MLLT10: variants seen among roughly 807,000 people sequenced by gnomAD.
MLLT10 encodes protein AF-10.
In MLLT10, 30 loss-of-function variants were observed where a neutral mutation model predicts 129.1. The ratio of observed to expected loss-of-function variants is 0.23; its 90% CI spans 0.17 to 0.32. The LOEUF (loss-of-function observed/expected upper bound fraction) is 0.32. Among genes scored for constraint, MLLT10 ranks in the 10% least tolerant of loss-of-function variants. The pLI, the probability that MLLT10 is intolerant of heterozygous loss-of-function variation, is 1.00. For missense variants in MLLT10, 1,119 were observed against 1,268.3 expected (o/e 0.88, Z 1.79); for synonymous variants, 490 against 446.4 (o/e 1.10, Z -1.23).
At chr10:21,592,136 A>G (rs75113966) in intron 4 of MLLT10, among the ~76,000 whole-genome samples, 109 of 152,164 alleles carry the variant, frequency 7.2e-4, no homozygotes, top group Non-Finnish European at 1.4e-3. Context: ...CACAAACCCT[A>G]CCAGTGTTTT....
chr10:21,709,323 C>T (rs561761870), intron 13 of MLLT10, among the ~76,000 whole-genome samples: 51 of 152,086 alleles, frequency 3.4e-4, no homozygotes, highest in African/African-American at 5.1e-4. Flanking sequence ...TTGCAACCTC[C>T]GCCTCTCAAG....
At chr10:21,630,742 C>A (rs1470119912) in intron 8 of MLLT10, among the ~76,000 whole-genome samples, 8 of 152,220 alleles carry the variant, frequency 5.3e-5, no homozygotes, top group Non-Finnish European at 1.2e-4. Context: ...CTTCTACCAG[C>A]ATCTATGAAA....
intron 11 of MLLT10, 147 bp from the exon 12 acceptor site, chr10:21,681,185 T>G (rs1049988312): frequency 4.6e-6 from 4 of 868,374 alleles, no homozygotes. Context: ...AATTATTAGC[T>G]TATAATTTTT....
intron 4 of MLLT10, among the ~76,000 whole-genome samples, chr10:21,591,992 A>AT (rs1186038697): frequency 4.6e-5 from 7 of 152,210 alleles, no homozygotes; most frequent in African/African-American, 9.6e-5. Flanking sequence ...AAGTGTTGGG[A>AT]TTACAGGCGT....
intron 13 of MLLT10, among the ~76,000 whole-genome samples, chr10:21,695,237 C>T (rs1182114209): frequency 6.6e-6 from 1 of 151,938 alleles, no homozygotes; most frequent in Non-Finnish European, 1.5e-5. Context: ...AGGCGTTTCG[C>T]CCTGTTGGCC....
In MLLT10 at chr10:21,742,204, T is replaced by C. The variant is rs771890041; in HGVS notation, c.*221T>C. On this transcript the variant is annotated 3_prime_UTR_variant, in exon 23 of 23. Coordinates refer to ENST00000307729, the MANE Select transcript of MLLT10 (RefSeq NM_001195626.3). ...CCCATGCCCCTACCCCTTACCCCAGTTTTTTGAACATGGAAAGAAAATTTA... is the reference window on the plus strand; with the variant it reads ...CCCATGCCCCTACCCCTTACCCCAGCTTTTTGAACATGGAAAGAAAATTTA... The C allele has an allele frequency of 1.3e-4, 56 of 416,970 alleles. No individual in the cohort carries two copies. The highest frequency in any genetic ancestry group is 2.2e-4 in the Non-Finnish European group (53 of 236,684). The allele number at this position is 416,970 out of a possible 1,614,324, so 25.8% of individuals were successfully genotyped here.
At chr10:21,733,204 GGTT>G (rs774468267) in intron 18 of MLLT10, 117 bp downstream of exon 18, 2 of 1,077,766 alleles carry the variant, frequency 1.9e-6, no homozygotes, top group African/African-American at 1.6e-5. Flanking sequence ...AGGAACTATA[GGTT>G]GTTTTTGAAG....
At chr10:21,697,253 G>C (rs2054470124) in intron 13 of MLLT10, among the ~76,000 whole-genome samples, 1 of 151,984 alleles carries the variant, frequency 6.6e-6, no homozygotes, top group Non-Finnish European at 1.5e-5. Flanking sequence ...CATCACCTAA[G>C]GTCAGGAGTT....
intron 9 of MLLT10, among the ~76,000 whole-genome samples, chr10:21,662,271 G>A (rs922247910): frequency 2.0e-5 from 3 of 152,090 alleles, no homozygotes; most frequent in African/African-American, 7.2e-5. Context: ...TTTATTCGAG[G>A]GGAAGTTTTT....
intron 4 of MLLT10, among the ~76,000 whole-genome samples, chr10:21,593,394 C>T (rs1237106781): frequency 6.6e-6 from 1 of 152,006 alleles, no homozygotes; most frequent in Non-Finnish European, 1.5e-5. Context: ...TGGCTGATTT[C>T]TAAATTTCCT....
intron 13 of MLLT10, among the ~76,000 whole-genome samples, chr10:21,690,060 G>T (rs909622503): frequency 6.6e-6 from 1 of 152,030 alleles, no homozygotes; most frequent in African/African-American, 2.4e-5. Context: ...GCACCAAAGA[G>T]AATTGAAACT....
Position 21,741,922 on chromosome 10 carries a change from C to A in MLLT10, c.3163-17C>A. 4 of 1,609,450 alleles carry A rather than the reference C, an allele frequency of 2.5e-6. No individual in the cohort carries two copies. Among genetic ancestry groups the A allele is most frequent in the Non-Finnish European group, 3.4e-6 (4 of 1,178,768 alleles). ...AGTTGATTTAGCTAACGCATCTGCT[C>A]TTTTGTTTACCTGCAGAGACTTAGT... On this transcript the variant is annotated splice_polypyrimidine_tract_variant and intron_variant, in intron 22 of 22. Transcript: ENST00000307729.
chr10:21,718,290 A>G (rs1589806396), intron 14 of MLLT10, among the ~76,000 whole-genome samples: 2 of 152,204 alleles, frequency 1.3e-5, no homozygotes, highest in East Asian at 1.9e-4. Flanking sequence ...TAGTTTCTTA[A>G]CATTGCGGGA....
chr10:21,733,481 CTTTTT>C lies in MLLT10; in HGVS notation c.2408-22_2408-18del. 1 of 1,403,392 alleles carries C rather than the reference CTTTTT, an allele frequency of 7.1e-7. No individual in the cohort carries two copies. The highest frequency in any genetic ancestry group is 9.5e-7 in the Non-Finnish European group (1 of 1,052,588). The allele number at this position is 1,403,392 out of a possible 1,614,324, so 86.9% of individuals were successfully genotyped here. A position where few individuals can be genotyped will look rare whatever the true frequency, so the allele number is the denominator to read the frequency against. On this transcript the variant is annotated intron_variant, in intron 18 of 22. Transcript: ENST00000307729. ...GTAATTTAATAGGGTAAATAGGTTT[CTTTTT>C]GTCTTTTATTATTCTAGCTCCTACT...
At chr10:21,586,173 TG>T (rs1235802737) in intron 3 of MLLT10, 120 bp from the exon 4 acceptor site, 2 of 749,610 alleles carry the variant, frequency 2.7e-6, no homozygotes, top group Non-Finnish European at 2.3e-6. Context: ...GAAATATTCT[TG>T]GGGGGCAACT....
In MLLT10 at chr10:21,733,940, C is replaced by G. The variant is rs533257940; in HGVS notation, c.2669C>G (p.Pro890Arg). ...SGMQPVTSTIPAVSAVGGIIG... is the reference protein window; with the variant it reads ...SGMQPVTSTIRAVSAVGGIIG... ...ATGCAGCCTGTAACTTCCACCATTC[C>G]TGCCGTGTCTGCAGTGGGTGGAATA... The change falls in exon 20 of 23, where the codon CCT becomes CGT. Residue 890 changes from proline to arginine, a missense_variant. Around this residue, in one of 5 missense-constraint regions of MLLT10, gnomAD observed 1,004 missense variants for 1,008.7 expected, o/e 1.00. Coordinates refer to ENST00000307729, the MANE Select transcript of MLLT10 (RefSeq NM_001195626.3). The G allele has an allele frequency of 2.5e-6, 4 of 1,614,190 alleles. No individual in the cohort carries two copies. The African/African-American group carries it at 5.3e-5, about 22-fold the overall frequency.
At chr10:21,541,695 C>T (rs1280551914) in intron 3 of MLLT10, among the ~76,000 whole-genome samples, 1 of 151,966 alleles carries the variant, frequency 6.6e-6, no homozygotes, top group Non-Finnish European at 1.5e-5. Context: ...CTGAATTTTA[C>T]TAGAAATGAG....
At chr10:21,738,720 TC>T (rs2058588034) in intron 21 of MLLT10, among the ~76,000 whole-genome samples, 1 of 152,182 alleles carries the variant, frequency 6.6e-6, no homozygotes, top group South Asian at 2.1e-4. Context: ...TGATCGCTTT[TC>T]CTCCTCCTTG....
chr10:21,603,834 T>TG (rs1406168466), intron 5 of MLLT10, among the ~76,000 whole-genome samples: 1 of 151,898 alleles, frequency 6.6e-6, no homozygotes, highest in Admixed American at 6.6e-5. Context: ...TTTGTTTTTT[T>TG]TTTTTTAATC....
Sources: allele counts gnomAD v4.1 joint callset (sites outside exome capture counted in the v4.1 genomes callset), GRCh38; gene constraint gnomAD v4.1.1; regional missense constraint gnomAD v4.1.1; transcripts MANE v1.5; gene names NCBI Gene and HGNC (gene_info 2026-07-23, HGNC 2026-07-21).